TELO2: variants seen among roughly 807,000 people sequenced by gnomAD.
TELO2 encodes the protein telomere length regulation protein TEL2 homolog.
TELO2 carries 71 observed loss-of-function variants against 91.0 expected under a neutral mutation model. That is an observed-to-expected ratio of 0.78 (90% CI 0.64 to 0.95). The LOEUF (loss-of-function observed/expected upper bound fraction) is 0.95, where lower values mean the gene tolerates loss of function less well. TELO2 is among the 40% of genes least tolerant of loss of function. TELO2 has a pLI of 0.00. For synonymous variants in TELO2, 584 were observed against 518.9 expected, an observed-to-expected ratio of 1.13 and a Z score of -1.71; for missense variants, 1,183 against 1,141.3, an observed-to-expected ratio of 1.04 and a Z score of -0.53.
At chr16:1,504,454 AAGGG>A (rs2039813370) in intron 15 of TELO2, among the ~76,000 whole-genome samples, 2 of 148,410 alleles carry the variant, frequency 1.3e-5, no homozygotes, top group South Asian at 2.1e-4. Context: ...AAAAAAAAAA[AAGGG>A]AGGGGAGGGG....
rs542286191 is a variant in TELO2 at position 1,504,388 on chromosome 16, G to T, written c.1843-1022G>T. On this transcript the variant is annotated intron_variant, in intron 15 of 20. Transcript: ENST00000262319. ...GGCGGAGGTTGTGGTGAGTCAAGAT[G>T]GCGCCACTGCACTCCAGACTGGGCG... Among the ~76,000 whole-genome samples the T allele has an allele frequency of 1.6e-4, 22 of 134,474 alleles. No homozygotes were observed. The South Asian group carries it at 5.6e-3, about 34-fold the overall frequency. 88.2% of individuals were successfully genotyped at this position (134,474 alleles called of 152,430 possible). A position where few individuals can be genotyped will look rare whatever the true frequency, so the allele number is the denominator to read the frequency against.
Position 1,497,489 on chromosome 16 carries a change from C to A in TELO2, c.811C>A (p.Leu271Met). Residue 271 changes from leucine (L) to methionine (M), a missense_variant, in exon 5 of 21, where the codon CTG becomes ATG. Physicochemically the swap from Leu to Met is conservative, Grantham distance 15. Transcript: ENST00000262319. The surrounding 1 kb of genome is among the most constrained non-coding windows in gnomAD (Gnocchi z 4.0). ...GGCCATGGAGGCTGTGCTGACCGGG[C>A]TGGTGGAGGCCGCACTGGGGTAAGC... is the stretch of plus-strand genomic sequence containing the variant. ...DRAMEAVLTG[L>M]VEAALGPEVL... is the part of the protein sequence containing the mutation. 2 of 1,571,746 alleles carry A rather than the reference C, an allele frequency of 1.3e-6. No homozygotes were observed. Among genetic ancestry groups the A allele is most frequent in the East Asian group, 2.4e-5 (1 of 42,430 alleles).
At position 1,494,448 on chromosome 16, in the gene TELO2, C is replaced by T. The variant is rs779643364; in HGVS notation, c.167C>T (p.Ser56Leu). Residue 56 changes from serine (S) to leucine (L), a missense_variant, in exon 2 of 21, where the codon TCG becomes TTG. Transcript: ENST00000262319. This position sits in a 1 kb window ranked among gnomAD's most constrained non-coding sequence, Gnocchi z 5.6. The stretch of plus-strand genomic sequence containing the variant: ...CCGAGGGAGAAGGAGGAGTTTGCCT[C>T]GGCCCACTTCTCGCCTGTCCTCAGA... Reference protein sequence around the residue: ...ALPREKEEFASAHFSPVLRCL... With the variant: ...ALPREKEEFALAHFSPVLRCL... The T allele has an allele frequency of 1.9e-6, 3 of 1,613,424 alleles. No homozygotes were observed. Among genetic ancestry groups the T allele is most frequent in the Admixed American group, 3.3e-5 (2 of 60,016 alleles).
Position 1,497,780 on chromosome 16 carries a change from G to A in TELO2, c.830+272G>A, listed in dbSNP as rs1457732454. Among the ~76,000 whole-genome samples the A allele has an allele frequency of 1.3e-5, 2 of 152,302 alleles. No individual in the cohort carries two copies. The highest frequency in any genetic ancestry group is 1.9e-4 in the East Asian group (1 of 5,168). On this transcript the variant is annotated intron_variant, in intron 5 of 20. Transcript: ENST00000262319. This position sits in a 1 kb window ranked among gnomAD's most constrained non-coding sequence, Gnocchi z 4.0. ...GTACCTTGGGCCGTCCACCCGTCCT[G>A]CGCCTGTGGTCCCCCTCGCACACGT...
chr16:1,506,289 GC>G lies in TELO2; in HGVS notation c.2088del (p.Gly697AlafsTer16). ...AGSPSRFNSV[A>X]GHFFFPLLQR... ...CAGCCCCAGCAGATTCAACTCCGTG[GC>G]CGGCCACTTCTTCTTCCCCCTCCTT... is the stretch of plus-strand genomic sequence containing the variant. On this transcript the variant is annotated frameshift_variant, in exon 17 of 21. Transcript: ENST00000262319. LOFTEE classifies it high-confidence loss of function. 1 of 1,614,020 alleles carries G rather than the reference GC, an allele frequency of 6.2e-7. No individual in the cohort carries two copies. Among genetic ancestry groups the G allele is most frequent in the South Asian group, 1.1e-5 (1 of 91,088 alleles).
rs920211629 is a variant in TELO2 at position 1,507,826 on chromosome 16, G to A, written c.2407+110G>A. On this transcript the variant is annotated intron_variant, in intron 20 of 20. Transcript: ENST00000262319. ...GTCGGCCCGGGGTGTGTGTGTGTGT[G>A]TGTGTGATGTGTGTTGGCCCGGGGT... The A allele has an allele frequency of 4.2e-5, 25 of 601,018 alleles. 1 individual carries two copies. In the Admixed American group the frequency reaches 4.3e-4, roughly 10 times the overall value. 37.2% of individuals were successfully genotyped at this position (601,018 alleles called of 1,614,324 possible).
chr16:1,506,403 C>T (rs573309776), intron 17 of TELO2, 74 bp downstream of exon 17: 73 of 1,610,552 alleles, frequency 4.5e-5, no homozygotes, highest in African/African-American at 4.0e-4. Flanking sequence ...CCAAGAAGTT[C>T]GGGCTGGGAT....
chr16:1,506,275 G>T lies in TELO2; in HGVS notation c.2072G>T (p.Arg691Ile). 2 of 1,613,926 alleles carry T rather than the reference G, an allele frequency of 1.2e-6. No individual in the cohort carries two copies. The highest frequency in any genetic ancestry group is 1.7e-6 in the Non-Finnish European group (2 of 1,180,014). The change falls in exon 17 of 21, where the codon AGA (arginine) becomes ATA (isoleucine). Residue 691 changes from arginine to isoleucine, a missense_variant. Transcript: ENST00000262319. ...CAGGGCCCGGCAGGCAGCCCCAGCA[G>T]ATTCAACTCCGTGGCCGGCCACTTC... ...PRQGPAGSPS[R>I]FNSVAGHFFF...
At chr16:1,506,403 C>G in intron 17 of TELO2, 74 bp downstream of exon 17, 4 of 1,610,552 alleles carry the variant, frequency 2.5e-6, no homozygotes, top group Non-Finnish European at 3.4e-6. Context: ...CCAAGAAGTT[C>G]GGGCTGGGAT....
intron 11 of TELO2, 77 bp downstream of exon 11, chr16:1,501,850 C>A: frequency 6.7e-7 from 1 of 1,502,218 alleles, no homozygotes. Flanking sequence ...GCTGCGGCCC[C>A]GTGGGGGGCT....
At chr16:1,495,305 A>T in intron 2 of TELO2, 41 bp from the exon 3 acceptor site, 1 of 1,500,682 alleles carries the variant, frequency 6.7e-7, no homozygotes, top group East Asian at 2.5e-5. Context: ...GGCCCCGAGG[A>T]TGGGGGTTGG....
rs376617816 is a variant in TELO2, at chr16:1,505,551, C to T, written c.1984C>T (p.Arg662Trp). 2.5e-5 allele frequency: 38 copies of T among 1,500,992 alleles called. No homozygotes were observed. Among genetic ancestry groups the T allele is most frequent in the African/African-American group, 5.6e-5 (4 of 71,166 alleles). 93.0% of individuals were successfully genotyped at this position (1,500,992 alleles called of 1,614,324 possible). The change falls in exon 16 of 21, where the codon CGG becomes TGG. Residue 662 changes from arginine (R) to tryptophan (W), a missense_variant. Coordinates refer to ENST00000262319, the MANE Select transcript of TELO2 (RefSeq NM_016111.4). This position sits in a 1 kb window ranked among gnomAD's most constrained non-coding sequence, Gnocchi z 4.3. ...QPGSAVASDW[R>W]VVVEERIRSK... is the part of the protein sequence containing the mutation. ...TGGCAGTGCCGTGGCGTCTGACTGG[C>T]GGGTGGTGGTGGAGGAGCGGATCAG...
In TELO2 at chr16:1,505,566, G is replaced by A. The variant is rs563411668; in HGVS notation, c.1999G>A (p.Glu667Lys). 2 of 1,612,398 alleles carry A rather than the reference G, an allele frequency of 1.2e-6. No individual in the cohort carries two copies. Among genetic ancestry groups the A allele is most frequent in the African/African-American group, 1.3e-5 (1 of 75,056 alleles). Residue 667 changes from glutamate (E) to lysine (K), a missense_variant, in exon 16 of 21, where the codon GAG (glutamate) becomes AAG (lysine). Physicochemically the swap from Glu to Lys is moderately conservative, Grantham distance 56. Transcript: ENST00000262319. This position sits in a 1 kb window ranked among gnomAD's most constrained non-coding sequence, Gnocchi z 4.3. ...GTCTGACTGGCGGGTGGTGGTGGAG[G>A]AGCGGATCAGAAGCAAGACCCAGCG... The part of the protein sequence containing the change: ...VASDWRVVVE[E>K]RIRSKTQRLS...
intron 20 of TELO2, among the ~76,000 whole-genome samples, chr16:1,508,046 T>A (rs1226013045): frequency 6.6e-6 from 1 of 152,144 alleles, no homozygotes; most frequent in Non-Finnish European, 1.5e-5. Context: ...CCTCCTTTGG[T>A]CCTGATCCTA....
Position 1,501,324 on chromosome 16 carries a change from G to A in TELO2, c.1282-96G>A, listed in dbSNP as rs534741139. ...CAGCCACTGAGTGAGACCGGGCTGC[G>A]AGGGAGGCCACAGTGGGGAGTGGCT... is the stretch of plus-strand genomic sequence containing the variant. On this transcript the variant is annotated intron_variant, in intron 9 of 20. Coordinates refer to ENST00000262319, the MANE Select transcript of TELO2 (RefSeq NM_016111.4). 8.6e-5 allele frequency: 116 copies of A among 1,351,372 alleles called. 2 individuals carry two copies. The highest frequency in any genetic ancestry group is 5.5e-4 in the African/African-American group (38 of 69,354). The allele number at this position is 1,351,372 out of a possible 1,614,324, so 83.7% of individuals were successfully genotyped here.
At position 1,507,605 on chromosome 16, in the gene TELO2, G is replaced by A. The variant is rs371675497; in HGVS notation, c.2296G>A (p.Val766Met). The A allele has an allele frequency of 1.1e-4, 176 of 1,588,212 alleles. No homozygotes were observed. The highest frequency in any genetic ancestry group is 1.4e-4 in the Non-Finnish European group (168 of 1,174,520). Residue 766 changes from valine to methionine, a missense_variant, in exon 20 of 21, where the codon GTG becomes ATG. By Grantham distance (21) the Val-to-Met change is conservative (BLOSUM62 1). Transcript: ENST00000262319. The stretch of plus-strand genomic sequence containing the variant: ...CCCCCGCCTTCTTGCCGGCAGCTAC[G>A]TGCGCCAGGGGCTGTTGTCGGCCGT... Reference protein sequence around the residue: ...WALRFHIDAYVRQGLLSAVSS... With the variant: ...WALRFHIDAYMRQGLLSAVSS...
At chr16:1,503,921 C>T (rs1342852258) in intron 15 of TELO2, among the ~76,000 whole-genome samples, 1 of 151,850 alleles carries the variant, frequency 6.6e-6, no homozygotes, top group Non-Finnish European at 1.5e-5. Flanking sequence ...TGCTCAAGCC[C>T]AGGAGTTTGA....
At position 1,494,160 on chromosome 16, in the gene TELO2, G is replaced by A; in HGVS notation, c.-36-86G>A. ...GGTGGGACCAGGGTTGAGGGGTGTG[G>A]GGTCTCGGGGCGCTCACCGAGGGGC... On this transcript the variant is annotated intron_variant, in intron 1 of 20. Coordinates refer to ENST00000262319, the MANE Select transcript of TELO2 (RefSeq NM_016111.4). This position sits in a 1 kb window ranked among gnomAD's most constrained non-coding sequence, Gnocchi z 5.6. 1.1e-6 allele frequency: 1 copy of A among 882,570 alleles called. No homozygotes were observed. Among genetic ancestry groups the A allele is most frequent in the Non-Finnish European group, 1.7e-6 (1 of 577,348 alleles). The allele number at this position is 882,570 out of a possible 1,614,324, so 54.7% of individuals were successfully genotyped here.
In TELO2 at chr16:1,502,394, C is replaced by A; in HGVS notation, c.1643C>A (p.Ala548Asp). Residue 548 changes from alanine to aspartate, a missense_variant, in exon 13 of 21, where the codon GCC (alanine) becomes GAC (aspartate). Physicochemically the swap from Ala to Asp is moderately radical, Grantham distance 126. Coordinates refer to ENST00000262319, the MANE Select transcript of TELO2 (RefSeq NM_016111.4). Reference sequence around the variant, plus strand: ...GGCCTGGTCTACAGGAGCCCCACAGCCACTCGGGAGGTGAGTGGGGGGCGG... The same window carrying A: ...GGCCTGGTCTACAGGAGCCCCACAGACACTCGGGAGGTGAGTGGGGGGCGG... ...LEGLVYRSPT[A>D]TREVSVELAK... 6.3e-7 allele frequency: 1 copy of A among 1,598,664 alleles called. No individual in the cohort carries two copies. The highest frequency in any genetic ancestry group is 1.1e-5 in the South Asian group (1 of 88,940).
Sources: gnomAD v4.1 joint callset for allele counts (sites outside exome capture counted in the v4.1 genomes callset) on GRCh38, gnomAD v4.1.1 for gene constraint, Gnocchi (gnomAD v3.1) non-coding constraint, MANE v1.5 for transcripts, NCBI Gene and HGNC (gene_info 2026-07-23, HGNC 2026-07-21) for gene names.